Variants in BCO1 observed in about 807,000 individuals in gnomAD.
BCO1 encodes the protein beta-carotene oxygenase 1, also known as beta,beta-carotene 15,15'-dioxygenase.
In BCO1, 54 loss-of-function variants were observed where a neutral mutation model predicts 56.3. That is an observed-to-expected ratio of 0.96 (90% CI 0.77 to 1.20). The LOEUF is 1.20. BCO1 is among the 50% of genes most tolerant of loss of function. The pLI is 0.00. For missense variants in BCO1, 801 were observed against 690.9 expected, an observed-to-expected ratio of 1.16 and a Z score of -1.79; for synonymous variants, 318 against 266.1, an observed-to-expected ratio of 1.20 and a Z score of -1.90.
chr16:81,245,448 G>A (rs762339848), intron 1 of BCO1, 27 bp from the exon 2 acceptor site: 21 of 1,614,050 alleles, frequency 1.3e-5, no homozygotes, highest in Non-Finnish European at 1.8e-5. Context: ...GTGGAAACGG[G>A]AAACTAAACA....
chr16:81,290,752 C>T lies in BCO1; in HGVS notation c.*175C>T, dbSNP rs947512805. 8.3e-6 allele frequency: 5 copies of T among 601,796 alleles called. No homozygotes were observed. The highest frequency in any genetic ancestry group is 6.0e-5 in the Admixed American group (2 of 33,244). 37.3% of individuals were successfully genotyped at this position (601,796 alleles called of 1,614,324 possible). A position where few individuals can be genotyped will look rare whatever the true frequency, so the allele number is the denominator to read the frequency against. ...TATCATTTCTTTCATTTTATTTTGG[C>T]TGTAAAAATTTTGTTTGAAAGTCAA... is the stretch of plus-strand genomic sequence containing the variant. On this transcript the variant is annotated 3_prime_UTR_variant, in exon 11 of 11. Coordinates refer to ENST00000258168, the MANE Select transcript of BCO1 (RefSeq NM_017429.3).
chr16:81,285,630 C>T lies in BCO1; in HGVS notation c.1298C>T (p.Thr433Ile). 6.3e-7 allele frequency: 1 copy of T among 1,596,344 alleles called. No individual in the cohort carries two copies. Among genetic ancestry groups the T allele is most frequent in the Non-Finnish European group, 8.6e-7 (1 of 1,163,792 alleles). Residue 433 changes from threonine to isoleucine, a missense_variant, in exon 9 of 11, where the codon ACC (threonine) becomes ATC (isoleucine). By Grantham distance (89) the Thr-to-Ile change is moderately conservative. Transcript: ENST00000258168. ...ATGVQWSPIP[T>I]KIIKYDILTK... ...GGAGTTCAGTGGAGTCCAATCCCAA[C>T]CAAGGTACTGGTCTCTGTGTATTCA...
chr16:81,251,890 G>GTGTGTGTGTGTGTGTGTA (rs1286111425), intron 2 of BCO1, among the ~76,000 whole-genome samples: 1 of 150,292 alleles, frequency 6.7e-6, no homozygotes, highest in African/African-American at 2.5e-5. Context: ...GTGTGTGTGT[G>GTGTGTGTGTGTGTGTGTA]TATATATATC....
At chr16:81,272,624 C>T (rs991879579) in intron 7 of BCO1, among the ~76,000 whole-genome samples, 5 of 152,200 alleles carry the variant, frequency 3.3e-5, no homozygotes, top group African/African-American at 1.2e-4. Context: ...GGTGATGTGG[C>T]CCAGGCTCTG....
intron 2 of BCO1, among the ~76,000 whole-genome samples, chr16:81,255,820 T>C (rs779275394): frequency 3.8e-4 from 58 of 150,848 alleles, no homozygotes; most frequent in Non-Finnish European, 7.1e-4. Flanking sequence ...TTCTTTCTTT[T>C]TATTTATTTA....
rs779401968 is a variant in BCO1, at chr16:81,238,891, C to T, written c.-18C>T. On this transcript the variant is annotated 5_prime_UTR_variant, in exon 1 of 11. Coordinates refer to ENST00000258168, the MANE Select transcript of BCO1 (RefSeq NM_017429.3). Reference sequence around the variant, plus strand: ...ACCTGTTTGCTGTTAAAATCGATCTCCCTCGGCACCCTGAGCAATGGATAT... The same window carrying T: ...ACCTGTTTGCTGTTAAAATCGATCTTCCTCGGCACCCTGAGCAATGGATAT... 6.8e-6 allele frequency: 11 copies of T among 1,613,454 alleles called. 1 individual carries two copies. The South Asian group carries it at 7.7e-5, about 11-fold the overall frequency.
At chr16:81,266,531 G>C (rs1002688316) in intron 5 of BCO1, among the ~76,000 whole-genome samples, 1 of 152,094 alleles carries the variant, frequency 6.6e-6, no homozygotes, top group African/African-American at 2.4e-5. Flanking sequence ...ATGAGCCTTC[G>C]AGGTCAGAAG....
intron 2 of BCO1, among the ~76,000 whole-genome samples, chr16:81,250,721 C>T (rs1428069181): frequency 6.6e-6 from 1 of 151,586 alleles, no homozygotes; most frequent in Non-Finnish European, 1.5e-5. Context: ...GCTAGGATTA[C>T]AGGCATGAGC....
At chr16:81,277,296 G>A (rs1907616803) in intron 7 of BCO1, among the ~76,000 whole-genome samples, 1 of 151,962 alleles carries the variant, frequency 6.6e-6, no homozygotes, top group African/African-American at 2.4e-5. Context: ...GGGCTGTGAA[G>A]TGCTTTGCTA....
At chr16:81,241,409 C>G (rs1321929146) in intron 1 of BCO1, among the ~76,000 whole-genome samples, 1 of 152,132 alleles carries the variant, frequency 6.6e-6, no homozygotes, top group Admixed American at 6.5e-5. Context: ...GCATGAAATC[C>G]TTGGAAATGT....
At chr16:81,281,657 C>T (rs148711345) in intron 8 of BCO1, among the ~76,000 whole-genome samples, 1 of 152,284 alleles carries the variant, frequency 6.6e-6, no homozygotes, top group East Asian at 1.9e-4. Flanking sequence ...TTGAGGTACA[C>T]ACAGAAAGCA....
intron 2 of BCO1, among the ~76,000 whole-genome samples, chr16:81,249,049 C>A (rs11644603): frequency 0.45 from 68,441 of 150,576 alleles, 16,111 homozygotes; most frequent in African/African-American, 0.56. Context: ...TCCATGAGGC[C>A]TTGCTTCCCC....
intron 1 of BCO1, among the ~76,000 whole-genome samples, chr16:81,240,610 T>C (rs1044843090): frequency 4.0e-5 from 6 of 151,446 alleles, no homozygotes; most frequent in African/African-American, 1.5e-4. Context: ...GAGGATGAGG[T>C]AGTAGAATTG....
intron 5 of BCO1, 150 bp from the exon 6 acceptor site, chr16:81,267,758 C>T: frequency 1.4e-6 from 1 of 710,956 alleles, no homozygotes; most frequent in South Asian, 1.6e-5. Context: ...CCTGCAGCAG[C>T]TGCAGCAACC....
chr16:81,245,055 T>A (rs1305445387), intron 1 of BCO1, among the ~76,000 whole-genome samples: 1 of 152,066 alleles, frequency 6.6e-6, no homozygotes, highest in Non-Finnish European at 1.5e-5. Context: ...GACGCCCAGC[T>A]AATGTTTTGT....
intron 7 of BCO1, among the ~76,000 whole-genome samples, chr16:81,278,100 G>A (rs1290154242): frequency 1.3e-5 from 2 of 152,108 alleles, no homozygotes; most frequent in Non-Finnish European, 2.9e-5. Flanking sequence ...GGAGTGCAGT[G>A]ACGCGATCTC....
At chr16:81,251,406 A>G (rs1408286751) in intron 2 of BCO1, among the ~76,000 whole-genome samples, 1 of 152,052 alleles carries the variant, frequency 6.6e-6, no homozygotes, top group Non-Finnish European at 1.5e-5. Context: ...CAGAAAATCA[A>G]AAAGTTATCC....
Position 81,238,695 on chromosome 16 carries a change from G to C in BCO1, c.-214G>C, listed in dbSNP as rs1904968167. 1.7e-6 allele frequency: 1 copy of C among 601,066 alleles called. No homozygotes were observed. The highest frequency in any genetic ancestry group is 3.0e-6 in the Non-Finnish European group (1 of 334,246). 37.2% of individuals were successfully genotyped at this position (601,066 alleles called of 1,614,324 possible). On this transcript the variant is annotated 5_prime_UTR_variant, in exon 1 of 11. The change abolishes an upstream ATG in the 5' untranslated region. Transcript: ENST00000258168. ...CGCCAGCGCAGCTTCCCTTGTGAAT[G>C]TAAAGAGATCCAGGGCTCTTGGAGA...
At chr16:81,289,554 T>C (rs1908352085) in intron 10 of BCO1, among the ~76,000 whole-genome samples, 1 of 152,100 alleles carries the variant, frequency 6.6e-6, no homozygotes. Flanking sequence ...AGTGGGAGGA[T>C]AGCTTGAGCC....
Sources: allele counts gnomAD v4.1 joint callset (sites outside exome capture counted in the v4.1 genomes callset), GRCh38; gene constraint gnomAD v4.1.1; transcripts MANE v1.5; gene names NCBI Gene and HGNC (gene_info 2026-07-23, HGNC 2026-07-21).